RIPPLY2: variants seen among roughly 807,000 people sequenced by gnomAD.
The protein encoded by RIPPLY2 is protein ripply2.
RIPPLY2 carries 20 observed loss-of-function variants against 17.7 expected under a neutral mutation model. The observed-to-expected ratio is 1.13, with a 90% CI of 0.79 to 1.64. RIPPLY2 has a LOEUF of 1.64. Among genes scored for constraint, RIPPLY2 ranks in the 40% most tolerant of loss-of-function variants. RIPPLY2 has a pLI of 0.00. For synonymous variants in RIPPLY2, 69 were observed against 63.9 expected (o/e 1.08, Z -0.38); for missense variants, 213 against 169.8 (o/e 1.25, Z -1.41).
intron 3 of RIPPLY2, chr6:83,855,342 C>A (rs1344389180): frequency 1.3e-5 from 2 of 152,116 alleles, no homozygotes; most frequent in Non-Finnish European, 2.9e-5. Context: ...ACTGGAAGTT[C>A]TGCAATTTTT....
chr6:83,853,893 A>G (rs1321375384), intron 2 of RIPPLY2, 120 bp downstream of exon 2: 1 of 1,051,042 alleles, frequency 9.5e-7, no homozygotes. Flanking sequence ...CTCGCTTAAC[A>G]TCCCGCCTGC....
Position 83,853,463 on chromosome 6 carries a change from C to T in RIPPLY2, c.47C>T (p.Ala16Val), listed in dbSNP as rs1306234091. ...GAGGGTACAGAGAGTGGAGCTGCGG[C>T]GTGCGCGGCCACCGACGGCCCTACG... ...GAEGTESGAA[A>V]CAATDGPTRR... The change falls in exon 1 of 4, where the codon GCG becomes GTG. Residue 16 changes from alanine (A) to valine (V), a missense_variant. Physicochemically the swap from Ala to Val is moderately conservative, Grantham distance 64. Transcript: ENST00000369689. The T allele has an allele frequency of 1.3e-6, 2 of 1,542,002 alleles. No homozygotes were observed. The highest frequency in any genetic ancestry group is 2.0e-5 in the Admixed American group (1 of 50,602).
chr6:83,857,098 A>G (rs1268245122), intron 3 of RIPPLY2, 144 bp from the exon 4 acceptor site: 2 of 451,760 alleles, frequency 4.4e-6, no homozygotes, highest in Non-Finnish European at 7.9e-6. Context: ...CTGTGATAGT[A>G]GCATATTTTA....
chr6:83,854,269 T>C, intron 3 of RIPPLY2, 108 bp downstream of exon 3: 1 of 872,440 alleles, frequency 1.1e-6, no homozygotes, highest in Non-Finnish European at 1.9e-6. Flanking sequence ...TCTCTCTCTC[T>C]CTCTGAAAAT....
At chr6:83,853,911 C>A in intron 2 of RIPPLY2, 138 bp downstream of exon 2, 1 of 1,010,942 alleles carries the variant, frequency 9.9e-7, no homozygotes, top group Non-Finnish European at 1.5e-6. Context: ...TGCCGGTGGC[C>A]ATAAAGGTGC....
intron 3 of RIPPLY2, chr6:83,856,043 T>C (rs1301657864): frequency 6.6e-6 from 1 of 152,244 alleles, no homozygotes; most frequent in East Asian, 1.9e-4. Context: ...CTTTCTTTTC[T>C]GAAGTACGGT....
chr6:83,854,058 A>G, intron 2 of RIPPLY2, 39 bp from the exon 3 acceptor site: 1 of 1,570,232 alleles, frequency 6.4e-7, no homozygotes, highest in South Asian at 1.1e-5. Flanking sequence ...TTCTAGAAGG[A>G]GGTGGGTGAT....
At chr6:83,854,191 C>T (rs774656074) in intron 3 of RIPPLY2, 30 bp downstream of exon 3, 8 of 1,591,664 alleles carry the variant, frequency 5.0e-6, no homozygotes, top group Non-Finnish European at 6.0e-6. Context: ...GAAGGTCTCC[C>T]GCTCCTCCAG....
chr6:83,854,188 T>A, intron 3 of RIPPLY2, 27 bp downstream of exon 3: 1 of 1,595,234 alleles, frequency 6.3e-7, no homozygotes, highest in South Asian at 1.1e-5. Flanking sequence ...GCCGAAGGTC[T>A]CCCGCTCCTC....
At chr6:83,856,940 A>T (rs1383715151) in intron 3 of RIPPLY2, 1 of 159,490 alleles carries the variant, frequency 6.3e-6, no homozygotes, top group East Asian at 1.7e-4. Context: ...AAGAATAAAT[A>T]TATCCATAAT....
At chr6:83,853,833 T>C in intron 2 of RIPPLY2, 60 bp downstream of exon 2, 1 of 1,451,660 alleles carries the variant, frequency 6.9e-7, no homozygotes, top group East Asian at 2.3e-5. Flanking sequence ...CGACCAGGGC[T>C]CTCGGGACGC....
intron 2 of RIPPLY2, 27 bp from the exon 3 acceptor site, chr6:83,854,070 A>C (rs779694393): frequency 1.7e-5 from 28 of 1,605,726 alleles, no homozygotes; most frequent in Non-Finnish European, 8.5e-7. Flanking sequence ...GTGGGTGATA[A>C]CTGGATTCAC....
chr6:83,853,993 C>T (rs2129124798), intron 2 of RIPPLY2, 104 bp from the exon 3 acceptor site: 2 of 1,212,194 alleles, frequency 1.6e-6, no homozygotes, highest in East Asian at 2.3e-5. Context: ...GCTGAGAGCC[C>T]TGGGGTTACA....
Position 83,853,715 on chromosome 6 carries a change from C to G in RIPPLY2, c.116C>G (p.Pro39Arg). 3 of 1,613,786 alleles carry G rather than the reference C, an allele frequency of 1.9e-6. No individual in the cohort carries two copies. The highest frequency in any genetic ancestry group is 1.7e-4 in the Middle Eastern group (1 of 6,058). The change falls in exon 2 of 4, where the codon CCC becomes CGC. Residue 39 changes from proline (P) to arginine (R), a missense_variant. Physicochemically the swap from Pro to Arg is moderately radical, Grantham distance 103 (BLOSUM62 -2). Transcript: ENST00000369689. Reference sequence around the variant, plus strand: ...CGCAGATACGCAGGCTTCTGGAGACCCTGGGTGGACGCCGGAGGCAAGAAA... The same window carrying G: ...CGCAGATACGCAGGCTTCTGGAGACGCTGGGTGGACGCCGGAGGCAAGAAA... ...ADSGYAGFWRPWVDAGGKKEE... is the reference protein window; with the variant it reads ...ADSGYAGFWRRWVDAGGKKEE...
chr6:83,854,257 T>C, intron 3 of RIPPLY2, 96 bp downstream of exon 3: 1 of 589,716 alleles, frequency 1.7e-6, no homozygotes, highest in Non-Finnish European at 2.9e-6. Context: ...GGTCCTGCAG[T>C]CTCTCTCTCT....
chr6:83,856,629 C>A (rs531411970), intron 3 of RIPPLY2: 1 of 152,240 alleles, frequency 6.6e-6, no homozygotes, highest in South Asian at 2.1e-4. Flanking sequence ...AAGACAGGCA[C>A]ATAGAATCAA....
Position 83,854,144 on chromosome 6 carries a change from A to T in RIPPLY2, c.222A>T (p.Gln74His). 6.2e-7 allele frequency: 1 copy of T among 1,614,018 alleles called. No homozygotes were observed. The highest frequency in any genetic ancestry group is 1.1e-5 in the South Asian group (1 of 91,074). ...GMTAASGKLY[Q>H]FRHPVRLFWP... ...CCGCAGCCTCAGGAAAGCTTTACCA[A>T]TTCAGGCACCCAGTCAGGTGAGTGA... is the stretch of plus-strand genomic sequence containing the variant. Residue 74 changes from glutamine to histidine, a missense_variant, in exon 3 of 4, where the codon CAA becomes CAT. Physicochemically the swap from Gln to His is conservative, Grantham distance 24 (BLOSUM62 0). Transcript: ENST00000369689.
chr6:83,857,312 C>G lies in RIPPLY2; in HGVS notation c.310C>G (p.Pro104Ala). The change falls in exon 4 of 4, where the codon CCA becomes GCA. Residue 104 changes from proline (P) to alanine (A), a missense_variant. Pro to Ala is a conservative substitution (Grantham distance 27). Transcript: ENST00000369689. The stretch of plus-strand genomic sequence containing the variant: ...AGCAGAAGCTCTTCTGAAAAATTTT[C>G]CAATTCAAGCCACAATTTCATTTTA... ...QEAEALLKNF[P>A]IQATISFYED... 6.3e-7 allele frequency: 1 copy of G among 1,578,720 alleles called. No homozygotes were observed. The highest frequency in any genetic ancestry group is 2.3e-5 in the East Asian group (1 of 42,636).
chr6:83,856,327 G>C (rs766554060), intron 3 of RIPPLY2: 1 of 152,058 alleles, frequency 6.6e-6, no homozygotes, highest in African/African-American at 2.4e-5. Context: ...TTGTTTTTCT[G>C]CCTTTTAAAG....
Sources: allele counts gnomAD v4.1 joint callset, GRCh38; gene constraint gnomAD v4.1.1; transcripts MANE v1.5; gene names NCBI Gene and HGNC (gene_info 2026-07-23, HGNC 2026-07-21).